The following CNBD1 variants were observed in gnomAD, a reference collection of about 807,000 sequenced individuals.
CNBD1 encodes cyclic nucleotide binding domain containing 1.
A neutral mutation model predicts 54.4 loss-of-function variants in CNBD1; 71 were observed. That is an observed-to-expected ratio of 1.30 (90% confidence interval 1.08 to 1.59). The LOEUF is 1.59. CNBD1 is among the 40% of genes most tolerant of loss of function. The pLI is 0.00. For missense variants in CNBD1, 659 were observed against 518.0 expected, an observed-to-expected ratio of 1.27 and a Z score of -2.64; for synonymous variants, 182 against 170.7, an observed-to-expected ratio of 1.07 and a Z score of -0.51.
At chr8:87,299,318 G>T (rs1368607379) in intron 8 of CNBD1, among the ~76,000 whole-genome samples, 2 of 151,960 alleles carry the variant, frequency 1.3e-5, no homozygotes, top group Non-Finnish European at 2.9e-5. Flanking sequence ...TAGTCCCGAC[G>T]GTCTTGTTTA....
chr8:86,937,266 C>A (rs781443056), intron 3 of CNBD1, among the ~76,000 whole-genome samples: 1 of 152,084 alleles, frequency 6.6e-6, no homozygotes, highest in Non-Finnish European at 1.5e-5. Flanking sequence ...GAAAGACCTG[C>A]CCCCATGATT....
At chr8:87,367,893 C>A (rs759176777) in intron 10 of CNBD1, among the ~76,000 whole-genome samples, 50 of 151,982 alleles carry the variant, frequency 3.3e-4, no homozygotes, top group Non-Finnish European at 7.2e-4. Flanking sequence ...ATATGTTGGC[C>A]GGGAGTGGTG....
chr8:87,420,625 C>G (rs1807914172), intron 2 of CNBD1, among the ~76,000 whole-genome samples: 1 of 152,016 alleles, frequency 6.6e-6, no homozygotes, highest in Non-Finnish European at 1.5e-5. Flanking sequence ...TAAAATCTAC[C>G]TACTTAACGA....
chr8:86,961,120 A>G (rs1218911529), intron 4 of CNBD1, among the ~76,000 whole-genome samples: 1 of 152,232 alleles, frequency 6.6e-6, no homozygotes, highest in Non-Finnish European at 1.5e-5. Flanking sequence ...TGTTGTTATA[A>G]CATATGACAG....
intron 10 of CNBD1, among the ~76,000 whole-genome samples, chr8:87,379,706 T>G (rs1490718238): frequency 6.6e-6 from 1 of 151,270 alleles, no homozygotes; most frequent in Non-Finnish European, 1.5e-5. Context: ...ATACCAGTAA[T>G]TTTTTTTAAG....
intron 8 of CNBD1, among the ~76,000 whole-genome samples, chr8:87,327,899 A>C (rs1809719248): frequency 6.6e-6 from 1 of 150,430 alleles, no homozygotes; most frequent in South Asian, 2.1e-4. Context: ...TCCATTTTTG[A>C]GTTGATTTTT....
chr8:87,129,281 A>T (rs543154988), intron 4 of CNBD1, among the ~76,000 whole-genome samples: 10 of 152,080 alleles, frequency 6.6e-5, no homozygotes, highest in African/African-American at 2.2e-4. Flanking sequence ...TTTACCAGAA[A>T]GCCATCTGGG....
rs145389296 is a variant in CNBD1 at position 87,294,238 on chromosome 8, GTTTTCATTA to G, written c.1042+7571_1042+7579del. Among the ~76,000 whole-genome samples the G allele has an allele frequency of 8.2e-4, 124 of 152,108 alleles. 2 individuals are homozygous for G. In the East Asian group the frequency reaches 0.014, roughly 17 times the overall value. On this transcript the variant is annotated intron_variant, in intron 8 of 10. Coordinates refer to ENST00000518476, the MANE Select transcript of CNBD1 (RefSeq NM_173538.3). Reference sequence around the variant, plus strand: ...ATGGAAATAAATTAATATGAGGAATGTTTTCATTATTTGGGAGTATTGTATAGAATAGAT... The same window carrying G: ...ATGGAAATAAATTAATATGAGGAATGTTTGGGAGTATTGTATAGAATAGAT...
intron 5 of CNBD1, among the ~76,000 whole-genome samples, chr8:87,222,648 A>G (rs1272721988): frequency 6.6e-6 from 1 of 152,192 alleles, no homozygotes; most frequent in Non-Finnish European, 1.5e-5. Context: ...GGCTGATTTT[A>G]GCTGAAGGTC....
downstream of CNBD1, among the ~76,000 whole-genome samples, chr8:87,383,409 G>C (rs1177336380): frequency 1.3e-5 from 2 of 151,974 alleles, no homozygotes; most frequent in African/African-American, 4.8e-5. Flanking sequence ...CACAATATTA[G>C]GTGCTCTAAA....
intron 8 of CNBD1, among the ~76,000 whole-genome samples, chr8:87,310,049 G>T (rs1376539852): frequency 2.0e-5 from 3 of 151,956 alleles, no homozygotes; most frequent in African/African-American, 7.2e-5. Context: ...TTCAAGCTGA[G>T]AACCAAATCA....
rs1261664211 is a variant in CNBD1 at position 87,132,024 on chromosome 8, A to G, written c.432-73969A>G. Among the ~76,000 whole-genome samples the G allele has an allele frequency of 2.0e-5, 3 of 151,888 alleles. 1 individual carries two copies. Among genetic ancestry groups the G allele is most frequent in the Admixed American group, 2.0e-4 (3 of 15,250 alleles). Reference sequence around the variant, plus strand: ...TTAGTTCTCAGTTTTATGTTGTAGCACTTTAAACATTGCTACAGTTTCTTC... The same window carrying G: ...TTAGTTCTCAGTTTTATGTTGTAGCGCTTTAAACATTGCTACAGTTTCTTC... On this transcript the variant is annotated intron_variant, in intron 4 of 10. Transcript: ENST00000518476.
chr8:87,111,285 A>G (rs1811656400), intron 4 of CNBD1, among the ~76,000 whole-genome samples: 1 of 152,214 alleles, frequency 6.6e-6, no homozygotes, highest in Non-Finnish European at 1.5e-5. Context: ...AATGACAACC[A>G]AGTAGGCCCA....
chr8:87,204,849 C>T (rs548911912), intron 4 of CNBD1, among the ~76,000 whole-genome samples: 6 of 152,150 alleles, frequency 3.9e-5, no homozygotes, highest in South Asian at 4.1e-4. Flanking sequence ...ATTTCTAATA[C>T]GAATTATTTC....
intron 8 of CNBD1, among the ~76,000 whole-genome samples, chr8:87,306,439 T>C (rs13250425): frequency 0.28 from 42,465 of 152,062 alleles, 6,627 homozygotes; most frequent in Middle Eastern, 0.4. Flanking sequence ...GAAAAAGATA[T>C]TTGCACACGC....
At chr8:87,218,960 C>G (rs1186326775) in intron 5 of CNBD1, among the ~76,000 whole-genome samples, 1 of 151,786 alleles carries the variant, frequency 6.6e-6, no homozygotes, top group Non-Finnish European at 1.5e-5. Flanking sequence ...TTTTAGATAA[C>G]AAATGAAATC....
At chr8:87,348,407 C>T (rs564687287) in intron 8 of CNBD1, among the ~76,000 whole-genome samples, 2 of 152,234 alleles carry the variant, frequency 1.3e-5, no homozygotes, top group South Asian at 4.1e-4. Context: ...TATTTCTTAA[C>T]ATTTTTAAAG....
chr8:87,391,262 A>G (rs947280125), intron 2 of CNBD1, among the ~76,000 whole-genome samples: 3 of 151,858 alleles, frequency 2.0e-5, no homozygotes, highest in Non-Finnish European at 2.9e-5. Context: ...AATTTCAAAT[A>G]AAAAAAAGAT....
chr8:87,408,180 A>G (rs561470247), intron 2 of CNBD1, among the ~76,000 whole-genome samples: 44 of 151,944 alleles, frequency 2.9e-4, no homozygotes, highest in Non-Finnish European at 5.2e-4. Flanking sequence ...TACCTCCTCA[A>G]ACATTGCTTC....
Sources: allele counts gnomAD v4.1 joint callset (sites outside exome capture counted in the v4.1 genomes callset), GRCh38; gene constraint gnomAD v4.1.1; transcripts MANE v1.5; gene names NCBI Gene and HGNC (gene_info 2026-07-23, HGNC 2026-07-21).